NELL1: variants seen among roughly 807,000 people sequenced by gnomAD.
The protein encoded by NELL1 is neural EGFL like 1.
A neutral mutation model predicts 107.4 loss-of-function variants in NELL1; 76 were observed. The observed-to-expected ratio is 0.71, with a 90% CI of 0.59 to 0.86. The LOEUF (loss-of-function observed/expected upper bound fraction) is 0.86, where lower values mean the gene tolerates loss of function less well. NELL1 is among the 40% of genes least tolerant of loss of function. NELL1 has a pLI of 0.00. For synonymous variants in NELL1, 353 were observed against 341.2 expected (o/e 1.03, Z -0.38); for missense variants, 1,024 against 1,005.5 (o/e 1.02, Z -0.25).
At chr11:20,781,669 T>C (rs1856852369) in intron 2 of NELL1, among the ~76,000 whole-genome samples, 1 of 152,142 alleles carries the variant, frequency 6.6e-6, no homozygotes, top group Non-Finnish European at 1.5e-5. Context: ...ACATATAACT[T>C]AATTTTAAGA....
intron 13 of NELL1, among the ~76,000 whole-genome samples, chr11:21,131,977 T>C (rs1516772): frequency 0.015 from 2,241 of 152,294 alleles, 65 homozygotes; most frequent in African/African-American, 0.051. Flanking sequence ...AGGTACAGGA[T>C]GGACAGCTGG....
intron 14 of NELL1, among the ~76,000 whole-genome samples, chr11:21,360,137 G>A (rs1330660167): frequency 1.3e-5 from 2 of 151,914 alleles, no homozygotes; most frequent in African/African-American, 4.8e-5. Context: ...TGCTGTGAAC[G>A]TTACTCTTAG....
intron 14 of NELL1, among the ~76,000 whole-genome samples, chr11:21,298,363 C>G (rs1849418267): frequency 6.6e-6 from 1 of 151,856 alleles, no homozygotes; most frequent in South Asian, 2.1e-4. Context: ...ATTTTCAGTT[C>G]ACTTCTTATT....
rs571340152 is a variant in NELL1 at position 20,674,362 on chromosome 11, C to T, written c.56-3570C>T. 148 of 698,134 alleles carry T rather than the reference C, an allele frequency of 2.1e-4. No homozygotes were observed. In the South Asian group the frequency reaches 2.5e-3, roughly 12 times the overall value. The allele number at this position is 698,134 out of a possible 1,614,324, so 43.2% of individuals were successfully genotyped here. A position where few individuals can be genotyped will look rare whatever the true frequency, so the allele number is the denominator to read the frequency against. On this transcript the variant is annotated intron_variant, in intron 1 of 19. Transcript: ENST00000357134. ...ACAGATGAAACAACCCCCAGCTGGGCACCACCTATGTGCCAGATGGAGCTG... is the reference window on the plus strand; with the variant it reads ...ACAGATGAAACAACCCCCAGCTGGGTACCACCTATGTGCCAGATGGAGCTG...
intron 16 of NELL1, among the ~76,000 whole-genome samples, chr11:21,552,308 T>C (rs1339994505): frequency 6.6e-6 from 1 of 151,280 alleles, no homozygotes; most frequent in Non-Finnish European, 1.5e-5. Flanking sequence ...AAAAAGTTAA[T>C]GTTTGTTTGA....
At chr11:21,446,108 AC>A (rs1314911150) in intron 15 of NELL1, among the ~76,000 whole-genome samples, 3 of 151,690 alleles carry the variant, frequency 2.0e-5, no homozygotes, top group Admixed American at 2.0e-4. Flanking sequence ...CTTCTGCTTG[AC>A]CAATTCTGCT....
At chr11:21,362,606 A>T (rs376422044) in intron 14 of NELL1, among the ~76,000 whole-genome samples, 1 of 151,954 alleles carries the variant, frequency 6.6e-6, no homozygotes, top group Non-Finnish European at 1.5e-5. Flanking sequence ...GCTATAATGG[A>T]GTTGGTTGGC....
At chr11:20,950,863 T>G (rs916064355) in intron 11 of NELL1, among the ~76,000 whole-genome samples, 2 of 152,192 alleles carry the variant, frequency 1.3e-5, no homozygotes, top group African/African-American at 2.4e-5. Context: ...TGTTGTTGAT[T>G]ACAAAAACCA....
intron 13 of NELL1, among the ~76,000 whole-genome samples, chr11:21,122,834 G>T (rs1209251537): frequency 6.6e-6 from 1 of 152,178 alleles, no homozygotes; most frequent in Non-Finnish European, 1.5e-5. Context: ...AACATCAAAT[G>T]ACTCAACTGG....
At chr11:21,034,802 CAAGTT>C (rs1452162441) in intron 12 of NELL1, among the ~76,000 whole-genome samples, 1 of 152,000 alleles carries the variant, frequency 6.6e-6, no homozygotes, top group Non-Finnish European at 1.5e-5. Flanking sequence ...AGAAAGATCT[CAAGTT>C]AACCTAACAT....
At chr11:21,036,072 A>G (rs1442255893) in intron 12 of NELL1, among the ~76,000 whole-genome samples, 1 of 152,088 alleles carries the variant, frequency 6.6e-6, no homozygotes, top group Non-Finnish European at 1.5e-5. Flanking sequence ...AAAAAAATTA[A>G]CGTTACTATG....
intron 19 of NELL1, 116 bp from the exon 20 acceptor site, chr11:21,574,856 T>G: frequency 1.2e-6 from 1 of 805,314 alleles, no homozygotes; most frequent in Non-Finnish European, 2.0e-6. Context: ...TCATTTTTTA[T>G]AGCCTTCTTG....
At chr11:20,785,446 A>C (rs1856935108) in intron 3 of NELL1, among the ~76,000 whole-genome samples, 1 of 152,252 alleles carries the variant, frequency 6.6e-6, no homozygotes, top group African/African-American at 2.4e-5. Context: ...GTGTCAAGGC[A>C]AGTCTCAGCT....
chr11:21,173,695 G>A lies in NELL1; in HGVS notation c.1427-55637G>A, dbSNP rs193194928. Among the ~76,000 whole-genome samples, 323 of 151,778 alleles carry A rather than the reference G, an allele frequency of 2.1e-3. 8 individuals carry two copies. The highest frequency in any genetic ancestry group is 7.6e-3 in the African/African-American group (314 of 41,178). ...CTTGGCATTGTGCCTGACATATGGT[G>A]GGTGGCATTTCATAAGTATGAATTG... On this transcript the variant is annotated intron_variant, in intron 13 of 19. Coordinates refer to ENST00000357134, the MANE Select transcript of NELL1 (RefSeq NM_006157.5).
At chr11:21,117,489 A>G (rs552100032) in intron 13 of NELL1, among the ~76,000 whole-genome samples, 105 of 151,840 alleles carry the variant, frequency 6.9e-4, no homozygotes, top group African/African-American at 2.4e-3. Flanking sequence ...ACTTTTGAAA[A>G]CCTCATTTAT....
chr11:20,798,895 G>A (rs1251407877), intron 3 of NELL1, among the ~76,000 whole-genome samples: 1 of 152,244 alleles, frequency 6.6e-6, no homozygotes, highest in Non-Finnish European at 1.5e-5. Context: ...AGGAACATTG[G>A]TGGATTCTTT....
At chr11:20,701,401 G>T (rs2133881628) in intron 2 of NELL1, among the ~76,000 whole-genome samples, 1 of 152,206 alleles carries the variant, frequency 6.6e-6, no homozygotes, top group Non-Finnish European at 1.5e-5. Context: ...TGTAGATTCT[G>T]GATATTAGCC....
intron 13 of NELL1, among the ~76,000 whole-genome samples, chr11:21,208,370 A>G (rs1405660261): frequency 1.3e-5 from 2 of 151,424 alleles, no homozygotes; most frequent in Admixed American, 6.6e-5. Context: ...ATATTTTAAC[A>G]TGCATTTTAT....
intron 14 of NELL1, among the ~76,000 whole-genome samples, chr11:21,309,572 T>C (rs1374054944): frequency 6.6e-6 from 1 of 151,900 alleles, no homozygotes; most frequent in Non-Finnish European, 1.5e-5. Context: ...CAGTCGGTAT[T>C]CTAATGTTGC....
Sources: allele counts gnomAD v4.1 joint callset (sites outside exome capture counted in the v4.1 genomes callset), GRCh38; gene constraint gnomAD v4.1.1; transcripts MANE v1.5; gene names NCBI Gene and HGNC (gene_info 2026-07-23, HGNC 2026-07-21).